Variants in FGF22 observed in about 807,000 individuals in gnomAD.
FGF22 encodes fibroblast growth factor 22.
A neutral mutation model predicts 10.3 loss-of-function variants in FGF22; 11 were observed. That is an observed-to-expected ratio of 1.07 (90% confidence interval 0.67 to 1.77). The LOEUF is 1.77. Among genes scored for constraint, FGF22 ranks in the 40% most tolerant of loss-of-function variants. The pLI, the probability that FGF22 is intolerant of heterozygous loss-of-function variation, is 0.00. For missense variants in FGF22, 317 were observed against 273.2 expected (o/e 1.16, Z -1.13); for synonymous variants, 136 against 122.1 (o/e 1.11, Z -0.75).
chr19:643,525 G>T (rs1228406503), exon 3 of FGF22: 4 of 1,605,908 alleles, frequency 2.5e-6, no homozygotes, highest in Non-Finnish European at 3.4e-6. Flanking sequence ...GCGCTGGACA[G>T]GAGGGGGGGG....
At chr19:642,905 T>A (rs1356623920) in intron 1 of FGF22, among the ~76,000 whole-genome samples, 1 of 152,056 alleles carries the variant, frequency 6.6e-6, no homozygotes, top group Non-Finnish European at 1.5e-5. Context: ...ACACAGATGC[T>A]GCTCTTGGGC....
chr19:642,592 G>C (rs1457915382), intron 1 of FGF22, among the ~76,000 whole-genome samples: 1 of 129,582 alleles, frequency 7.7e-6, no homozygotes, highest in Admixed American at 7.8e-5. Context: ...TGAGGGCCGG[G>C]CTGGGGGCTC....
At chr19:641,748 C>T (rs1208704098) in intron 1 of FGF22, among the ~76,000 whole-genome samples, 4 of 152,236 alleles carry the variant, frequency 2.6e-5, no homozygotes, top group African/African-American at 7.2e-5. Flanking sequence ...ACCTCAAAGA[C>T]GTTCCTGTGT....
intron 1 of FGF22, 40 bp from the exon 2 acceptor site, chr19:643,195 G>A (rs771259528): frequency 4.9e-6 from 5 of 1,022,698 alleles, no homozygotes; most frequent in African/African-American, 6.1e-5. Flanking sequence ...GGTGCTGGGG[G>A]TGAGCCAGCA....
chr19:644,128 C>T lies in FGF22; in HGVS notation c.*524C>T, dbSNP rs11572896. ...CCCCAGTGTCCTCACAGGGTCCTCA[C>T]GACAGGAGGCGGGACAGTGAGAGCC... On this transcript the variant is annotated 3_prime_UTR_variant, in exon 3 of 3. Transcript: ENST00000215530. 9.9e-3 allele frequency: 1,618 copies of T among 162,662 alleles called. 40 individuals carry two copies. The highest frequency in any genetic ancestry group is 0.036 in the African/African-American group (1,503 of 41,650). 10.1% of individuals were successfully genotyped at this position (162,662 alleles called of 1,614,324 possible).
exon 3 of FGF22, chr19:643,696 G>A (rs11572893): frequency 0.018 from 20,219 of 1,112,202 alleles, 240 homozygotes; most frequent in South Asian, 0.048. Context: ...CTCTGTAAGC[G>A]CTGAGTGCCC....
chr19:640,105 C>T, exon 1 of FGF22: 6 of 1,387,142 alleles, frequency 4.3e-6, no homozygotes, highest in Non-Finnish European at 5.6e-6. Flanking sequence ...CCGGCGGCCG[C>T]GTGCAGGGCA....
At chr19:643,467 A>C (rs764247800) in exon 3 of FGF22, 7 of 1,611,020 alleles carry the variant, frequency 4.3e-6, no homozygotes, top group Non-Finnish European at 5.9e-6. Flanking sequence ...CGGCCACAAC[A>C]CCTACGCCTC....
exon 3 of FGF22, chr19:643,599 TCCTGAGGC>T (rs1426394697): frequency 6.5e-7 from 1 of 1,535,412 alleles, no homozygotes; most frequent in Admixed American, 2.0e-5. Flanking sequence ...CGTCCTGGTC[TCCTGAGGC>T]CCTGAGAGGC....
chr19:640,116 C>A, exon 1 of FGF22: 1 of 1,373,322 alleles, frequency 7.3e-7, no homozygotes. Flanking sequence ...GTGCAGGGCA[C>A]CCGCTGGCGC....
At chr19:640,955 C>G (rs1424307054) in intron 1 of FGF22, 5 of 344,088 alleles carry the variant, frequency 1.5e-5, no homozygotes, top group Non-Finnish European at 2.3e-5. Flanking sequence ...GGACAGGGGA[C>G]TGGCTGGGCC....
At chr19:640,306 G>T in intron 1 of FGF22, 167 bp downstream of exon 1, 1 of 425,670 alleles carries the variant, frequency 2.3e-6, no homozygotes, top group Non-Finnish European at 3.9e-6. Flanking sequence ...TGCCTGGTGG[G>T]AGGGTTGCAC....
At position 641,735 on chromosome 19, in the gene FGF22, A is replaced by G. The variant is rs11572870; in HGVS notation, c.215-1500A>G. 5.7e-3 allele frequency: 943 copies of G among 165,532 alleles called. 12 individuals carry two copies. The highest frequency in any genetic ancestry group is 0.022 in the African/African-American group (909 of 41,832). 10.3% of individuals were successfully genotyped at this position (165,532 alleles called of 1,614,324 possible). A position where few individuals can be genotyped will look rare whatever the true frequency, so the allele number is the denominator to read the frequency against. ...ATCGTGACACAGACGCCCCAGAACA[A>G]CCACCTCAAAGACGTTCCTGTGTGT... is the stretch of plus-strand genomic sequence containing the variant. On this transcript the variant is annotated intron_variant, in intron 1 of 2. Coordinates refer to ENST00000215530, the Ensembl canonical transcript of FGF22.
At chr19:642,218 G>A (rs186487607) in intron 1 of FGF22, among the ~76,000 whole-genome samples, 1,007 of 84,658 alleles carry the variant, frequency 0.012, 54 homozygotes, top group African/African-American at 0.038. Context: ...TGTGAGGGCC[G>A]GGCTGGGGGC....
In FGF22 at chr19:640,159, G is replaced by A; in HGVS notation, c.214+20G>A. On this transcript the variant is annotated intron_variant, in intron 1 of 2. Coordinates refer to ENST00000215530, the Ensembl canonical transcript of FGF22. ...AGGACAGTGAGTGCGGGGCGGCGGG[G>A]GCCTGGGGTGGGGAGGCGGCGGGTG... is the stretch of plus-strand genomic sequence containing the variant. The A allele has an allele frequency of 1.6e-6, 2 of 1,279,278 alleles. No homozygotes were observed. Among genetic ancestry groups the A allele is most frequent in the South Asian group, 4.8e-5 (2 of 41,256 alleles). The allele number at this position is 1,279,278 out of a possible 1,614,324, so 79.2% of individuals were successfully genotyped here.
intron 1 of FGF22, chr19:641,234 G>A (rs934185756): frequency 4.4e-5 from 20 of 456,436 alleles, no homozygotes; most frequent in Middle Eastern, 6.8e-4. Context: ...CAGAGCAGAG[G>A]CGCGCAGCAG....
intron 1 of FGF22, chr19:641,436 G>A (rs1985897579): frequency 3.1e-5 from 11 of 360,402 alleles, no homozygotes; most frequent in South Asian, 2.0e-4. Flanking sequence ...TTAGCCGGGT[G>A]TGGTGGCGGG....
chr19:641,771 CGGG>C (rs1280175796), intron 1 of FGF22, among the ~76,000 whole-genome samples: 1 of 152,076 alleles, frequency 6.6e-6, no homozygotes, highest in Non-Finnish European at 1.5e-5. Context: ...CCTGGAAGGT[CGGG>C]CTGGGAGGCT....
chr19:640,785 G>A, intron 1 of FGF22: 1 of 225,176 alleles, frequency 4.4e-6, no homozygotes, highest in South Asian at 5.7e-5. Context: ...GGAGGCCAGG[G>A]GAGTCGGTGT....
Sources: gnomAD v4.1 joint callset for allele counts (sites outside exome capture counted in the v4.1 genomes callset) on GRCh38, gnomAD v4.1.1 for gene constraint, MANE v1.5 for transcripts, NCBI Gene and HGNC (gene_info 2026-07-23, HGNC 2026-07-21) for gene names.